RGS5: variants seen among roughly 807,000 people sequenced by gnomAD.
RGS5 encodes the protein regulator of G-protein signalling 5.
Under a neutral mutation model 18.9 loss-of-function variants are expected in RGS5, and 20 were observed. That is an observed-to-expected ratio of 1.06 (90% CI 0.74 to 1.54). The LOEUF is 1.54. Among genes scored for constraint, RGS5 ranks in the 40% most tolerant of loss-of-function variants. The pLI, the probability that RGS5 is intolerant of heterozygous loss-of-function variation, is 0.00. For synonymous variants in RGS5, 57 were observed against 76.2 expected, an observed-to-expected ratio of 0.75 and a Z score of 1.31; for missense variants, 201 against 211.8, an observed-to-expected ratio of 0.95 and a Z score of 0.32.
rs536305178 is a variant in RGS5 at position 163,271,793 on chromosome 1, C to T, written c.-281+34440G>A. 1.1e-3 allele frequency among the ~76,000 whole-genome samples: 168 copies of T among 152,228 alleles called. 1 individual carries two copies. The highest frequency in any genetic ancestry group is 3.9e-3 in the African/African-American group (163 of 41,546). Reference sequence around the variant, plus strand: ...TTTGTGGGCATATGTTTTCGTTTCTCTTGCTTAGATTCCTGGGAGTAGAAT... The same window carrying T: ...TTTGTGGGCATATGTTTTCGTTTCTTTTGCTTAGATTCCTGGGAGTAGAAT... On this transcript the variant is annotated intron_variant, in intron 2 of 5. Transcript: ENST00000618415.
chr1:163,180,856 G>A lies in RGS5; in HGVS notation c.45-12488C>T, dbSNP rs1023779658. On this transcript the variant is annotated intron_variant, in intron 1 of 4. Coordinates refer to ENST00000313961, the MANE Select transcript of RGS5 (RefSeq NM_003617.4). The stretch of plus-strand genomic sequence containing the variant: ...ACTACAGGTGCCCGTCACTACGCCC[G>A]GCTAATTTTTTGTATTTTTAGTAGA... Among the ~76,000 whole-genome samples the A allele has an allele frequency of 2.6e-5, 4 of 151,716 alleles. No homozygotes were observed. The East Asian group carries it at 7.8e-4, about 30-fold the overall frequency.
chr1:163,291,877 C>T (rs1406069006), intron 2 of RGS5, among the ~76,000 whole-genome samples: 3 of 152,180 alleles, frequency 2.0e-5, no homozygotes, highest in Non-Finnish European at 2.9e-5. Flanking sequence ...TTAAATTTTT[C>T]TTCACTGCAA....
At chr1:163,164,578 A>G (rs1657962710) in intron 2 of RGS5, among the ~76,000 whole-genome samples, 1 of 152,074 alleles carries the variant, frequency 6.6e-6, no homozygotes, top group Non-Finnish European at 1.5e-5. Flanking sequence ...AACTTTTCCC[A>G]TTTCACCCTA....
chr1:163,253,496 G>A (rs1648173871), intron 2 of RGS5, among the ~76,000 whole-genome samples: 2 of 148,302 alleles, frequency 1.3e-5, no homozygotes, highest in South Asian at 4.3e-4. Flanking sequence ...TTTTAGTAGA[G>A]ATAAGTTTTT....
intron 1 of RGS5, among the ~76,000 whole-genome samples, chr1:163,314,933 T>C (rs1011482595): frequency 2.6e-5 from 4 of 152,218 alleles, no homozygotes; most frequent in African/African-American, 7.2e-5. Context: ...GAGAAATACA[T>C]TTCTGTTGCT....
At chr1:163,293,449 C>T (rs1649346026) in intron 2 of RGS5, among the ~76,000 whole-genome samples, 1 of 152,150 alleles carries the variant, frequency 6.6e-6, no homozygotes, top group African/African-American at 2.4e-5. Flanking sequence ...ATCATGATAA[C>T]AGCAAAGGGG....
chr1:163,201,398 G>A (rs1296828597), intron 1 of RGS5, among the ~76,000 whole-genome samples: 1 of 151,816 alleles, frequency 6.6e-6, no homozygotes, highest in African/African-American at 2.4e-5. Context: ...TCTTCCCCAG[G>A]GTTGGTACAA....
intron 2 of RGS5, among the ~76,000 whole-genome samples, chr1:163,247,965 A>G (rs77055840): frequency 0.014 from 2,133 of 152,290 alleles, 20 homozygotes; most frequent in Middle Eastern, 0.034. Context: ...CATATAATCA[A>G]TCTTTATGGG....
At chr1:163,191,315 G>A (rs971595750) in intron 1 of RGS5, among the ~76,000 whole-genome samples, 4 of 151,842 alleles carry the variant, frequency 2.6e-5, no homozygotes, top group African/African-American at 7.3e-5. Context: ...TGCTTATGAA[G>A]TGTCAGATGC....
intron 2 of RGS5, among the ~76,000 whole-genome samples, chr1:163,166,066 C>A (rs1449675704): frequency 6.6e-6 from 1 of 151,590 alleles, no homozygotes; most frequent in African/African-American, 2.4e-5. Flanking sequence ...TGAGTACAGA[C>A]TTCTGTTTCT....
chr1:163,315,376 G>A (rs79097898), intron 1 of RGS5, among the ~76,000 whole-genome samples: 27,764 of 152,126 alleles, frequency 0.18, 2,603 homozygotes, highest in Middle Eastern at 0.26. Flanking sequence ...GGCCAACATA[G>A]TGAGACCCCA....
intron 1 of RGS5, among the ~76,000 whole-genome samples, chr1:163,309,398 C>T (rs12139684): frequency 0.42 from 63,272 of 152,042 alleles, 13,655 homozygotes; most frequent in South Asian, 0.5. Flanking sequence ...AACCCTGCCA[C>T]TGCTTTATCA....
chr1:163,154,113 C>G (rs1327131673), intron 3 of RGS5, among the ~76,000 whole-genome samples: 3 of 152,076 alleles, frequency 2.0e-5, no homozygotes, highest in African/African-American at 7.2e-5. Flanking sequence ...ATTAGTTCTG[C>G]TTAGGGATCA....
At chr1:163,263,512 T>G (rs1202805181) in intron 2 of RGS5, among the ~76,000 whole-genome samples, 1 of 152,142 alleles carries the variant, frequency 6.6e-6, no homozygotes, top group Non-Finnish European at 1.5e-5. Flanking sequence ...TATTACTGGG[T>G]AGGAAAGGAG....
At chr1:163,268,408 C>A (rs1557925659) in intron 2 of RGS5, among the ~76,000 whole-genome samples, 1 of 152,106 alleles carries the variant, frequency 6.6e-6, no homozygotes. Flanking sequence ...TGACTAAAAT[C>A]TCTGTTGACT....
chr1:163,211,183 A>T (rs978573846), intron 1 of RGS5: 7 of 152,192 alleles, frequency 4.6e-5, no homozygotes, highest in Middle Eastern at 3.2e-3. Flanking sequence ...GAGTTGAGGT[A>T]GTTAAAGCAA....
At position 163,163,039 on chromosome 1, in the gene RGS5, C is replaced by CGG. The variant is rs148165074; in HGVS notation, c.156-1065_156-1064dup. ...TTCTAGTTTTTATACAATGATATTT[C>CGG]GGGGGGGGGGGTGGTTAATTATTCA... On this transcript the variant is annotated intron_variant, in intron 2 of 4. Transcript: ENST00000313961. 5.3e-4 allele frequency among the ~76,000 whole-genome samples: 70 copies of CGG among 132,008 alleles called. 1 individual carries two copies. The highest frequency in any genetic ancestry group is 4.0e-3 in the Middle Eastern group (1 of 248). The allele number at this position is 132,008 out of a possible 152,430, so 86.6% of individuals were successfully genotyped here. A position where few individuals can be genotyped will look rare whatever the true frequency, so the allele number is the denominator to read the frequency against.
intron 2 of RGS5, among the ~76,000 whole-genome samples, chr1:163,232,467 T>G (rs756746972): frequency 2.0e-5 from 3 of 152,182 alleles, no homozygotes; most frequent in Non-Finnish European, 4.4e-5. Context: ...ATATTTGCTG[T>G]GGTTTGAAGT....
intron 2 of RGS5, among the ~76,000 whole-genome samples, chr1:163,297,218 CAA>C (rs769535215): frequency 6.6e-6 from 1 of 152,108 alleles, no homozygotes; most frequent in Non-Finnish European, 1.5e-5. Context: ...TACAAAGAGA[CAA>C]AGATTTGTTG....
Sources: allele counts gnomAD v4.1 joint callset (sites outside exome capture counted in the v4.1 genomes callset), GRCh38; gene constraint gnomAD v4.1.1; transcripts MANE v1.5; gene names NCBI Gene and HGNC (gene_info 2026-07-23, HGNC 2026-07-21).